The following PDE10A variants were observed in gnomAD, a reference collection of about 807,000 sequenced individuals.
The protein encoded by PDE10A is phosphodiesterase 10A.
PDE10A carries 39 observed loss-of-function variants against 97.7 expected under a neutral mutation model. The observed-to-expected ratio is 0.40, with a 90% CI of 0.31 to 0.52. PDE10A has a LOEUF of 0.52. Among genes scored for constraint, PDE10A ranks in the 20% least tolerant of loss-of-function variants. The pLI is 0.56. For missense variants in PDE10A, 731 were observed against 1,047.8 expected, an observed-to-expected ratio of 0.70 and a Z score of 4.17; for synonymous variants, 371 against 376.8, an observed-to-expected ratio of 0.98 and a Z score of 0.18.
Position 165,819,524 on chromosome 6 carries a change from T to A in PDE10A, c.-615+168005A>T, listed in dbSNP as rs150749846. 3.7e-4 allele frequency among the ~76,000 whole-genome samples: 56 copies of A among 152,184 alleles called. No homozygotes were observed. Among genetic ancestry groups the A allele is most frequent in the African/African-American group, 1.1e-3 (45 of 41,520 alleles). ...TGACTGCAGGGTGCCGGCAGCCTCCTCCGACCTCCGAAGAGTGGTCATTGA... is the reference window on the plus strand; with the variant it reads ...TGACTGCAGGGTGCCGGCAGCCTCCACCGACCTCCGAAGAGTGGTCATTGA... On this transcript the variant is annotated intron_variant, in intron 1 of 19. Transcript: ENST00000366882. The surrounding 1 kb of genome is among the most constrained non-coding windows in gnomAD (Gnocchi z 4.2).
chr6:165,382,651 T>G (rs1223560382), intron 17 of PDE10A, among the ~76,000 whole-genome samples: 1 of 152,084 alleles, frequency 6.6e-6, no homozygotes, highest in African/African-American at 2.4e-5. Context: ...ATAAACTGTA[T>G]TAAAATATGT....
chr6:165,879,512 A>C (rs1444287647), intron 1 of PDE10A, among the ~76,000 whole-genome samples: 2 of 152,282 alleles, frequency 1.3e-5, no homozygotes, highest in East Asian at 3.9e-4. Flanking sequence ...CCAATCAAAT[A>C]TGACCTCATT....
intron 1 of PDE10A, among the ~76,000 whole-genome samples, chr6:165,985,168 C>T (rs1486172934): frequency 1.3e-5 from 2 of 152,212 alleles, no homozygotes; most frequent in Non-Finnish European, 2.9e-5. Context: ...CTCAGATTCT[C>T]CAACATGCCT....
chr6:165,822,222 C>G (rs1328893852), intron 1 of PDE10A, among the ~76,000 whole-genome samples: 2 of 151,998 alleles, frequency 1.3e-5, no homozygotes, highest in Non-Finnish European at 2.9e-5. Context: ...CCACCACACA[C>G]CTGGGCTGGA....
chr6:165,681,449 A>G (rs1413041512), intron 1 of PDE10A, among the ~76,000 whole-genome samples: 1 of 150,028 alleles, frequency 6.7e-6, no homozygotes, highest in African/African-American at 2.5e-5. Flanking sequence ...TTTTCCCTTA[A>G]AGCAATGGTG....
At chr6:165,915,559 T>A (rs6929724) in intron 1 of PDE10A, among the ~76,000 whole-genome samples, 2 of 151,942 alleles carry the variant, frequency 1.3e-5, no homozygotes, top group Admixed American at 1.3e-4. Flanking sequence ...CCTCCCCTGC[T>A]GGGAGTGGAG....
intron 1 of PDE10A, among the ~76,000 whole-genome samples, chr6:165,943,540 C>A (rs147661931): frequency 2.7e-3 from 412 of 152,188 alleles, no homozygotes; most frequent in African/African-American, 9.6e-3. Flanking sequence ...AAGCCACTGG[C>A]GTAAGTACAG....
chr6:165,444,480 A>G (rs1400795555), intron 5 of PDE10A, among the ~76,000 whole-genome samples: 1 of 152,110 alleles, frequency 6.6e-6, no homozygotes, highest in Non-Finnish European at 1.5e-5. Flanking sequence ...TAAAAATACT[A>G]CTATTTTTCT....
chr6:165,869,204 A>C (rs561911643), intron 1 of PDE10A, among the ~76,000 whole-genome samples: 3 of 152,236 alleles, frequency 2.0e-5, no homozygotes, highest in South Asian at 4.1e-4. Context: ...AAAAACCTAA[A>C]GATCCACCAA....
intron 1 of PDE10A, among the ~76,000 whole-genome samples, chr6:165,593,984 T>G (rs888432828): frequency 4.6e-5 from 7 of 152,252 alleles, no homozygotes; most frequent in African/African-American, 1.7e-4. Flanking sequence ...ATAATTACTT[T>G]CTATGCCAAT....
chr6:165,582,588 A>AATATAAAAAT (rs1266549298), intron 1 of PDE10A, among the ~76,000 whole-genome samples: 1 of 152,000 alleles, frequency 6.6e-6, no homozygotes, highest in Non-Finnish European at 1.5e-5. Context: ...AAAAAAACTG[A>AATATAAAAAT]ATATAAAAAT....
At chr6:165,437,219 A>C (rs1790086837) in intron 5 of PDE10A, among the ~76,000 whole-genome samples, 1 of 150,024 alleles carries the variant, frequency 6.7e-6, no homozygotes, top group African/African-American at 2.4e-5. Context: ...TTTGTTTGAA[A>C]ATGTAAAACG....
chr6:165,553,591 T>C lies in PDE10A; in HGVS notation c.866-10023A>G, dbSNP rs140208465. On this transcript the variant is annotated intron_variant, in intron 1 of 21. Transcript: ENST00000539869. Reference sequence around the variant, plus strand: ...GCCTTGGTTTAATATACTGCCAGTATTCTGACCTACATAATTGATTACTTA... The same window carrying C: ...GCCTTGGTTTAATATACTGCCAGTACTCTGACCTACATAATTGATTACTTA... 7.7e-3 allele frequency among the ~76,000 whole-genome samples: 1,169 copies of C among 152,312 alleles called. 13 individuals carry two copies. Among genetic ancestry groups the C allele is most frequent in the African/African-American group, 0.027 (1,123 of 41,564 alleles).
At chr6:165,916,964 C>T (rs929852514) in intron 1 of PDE10A, among the ~76,000 whole-genome samples, 1 of 152,130 alleles carries the variant, frequency 6.6e-6, no homozygotes, top group African/African-American at 2.4e-5. Context: ...GCAGAATACC[C>T]AATGAAAATG....
chr6:165,485,326 G>A (rs1779842096), intron 2 of PDE10A, among the ~76,000 whole-genome samples: 1 of 151,718 alleles, frequency 6.6e-6, no homozygotes, highest in Admixed American at 6.6e-5. Context: ...AAATTAGCCG[G>A]GCATGGTGGT....
intron 1 of PDE10A, among the ~76,000 whole-genome samples, chr6:165,805,378 G>A (rs1213439095): frequency 9.9e-5 from 15 of 152,184 alleles, no homozygotes; most frequent in Admixed American, 9.8e-4. Flanking sequence ...GCGGAAGAAG[G>A]CGCAGGTGCG....
chr6:165,533,446 G>C (rs1336538904), intron 2 of PDE10A, among the ~76,000 whole-genome samples: 1 of 152,118 alleles, frequency 6.6e-6, no homozygotes, highest in African/African-American at 2.4e-5. Context: ...ATAATACAAT[G>C]GTAAGTATCT....
chr6:165,845,443 G>A (rs1349484846), intron 1 of PDE10A, among the ~76,000 whole-genome samples: 1 of 152,200 alleles, frequency 6.6e-6, no homozygotes. Flanking sequence ...CTAAATGAGA[G>A]CAGTTCACAG....
chr6:165,393,385 T>G (rs1337213103), intron 15 of PDE10A, among the ~76,000 whole-genome samples: 1 of 151,428 alleles, frequency 6.6e-6, no homozygotes, highest in Non-Finnish European at 1.5e-5. Flanking sequence ...TTACATATAG[T>G]TATACTATAT....
Sources: allele counts gnomAD v4.1 joint callset (sites outside exome capture counted in the v4.1 genomes callset), GRCh38; gene constraint gnomAD v4.1.1; non-coding constraint Gnocchi (gnomAD v3.1); transcripts MANE v1.5; gene names NCBI Gene and HGNC (gene_info 2026-07-23, HGNC 2026-07-21).